Variants in RTN2 observed in about 807,000 individuals in gnomAD.
RTN2 encodes the protein reticulon 2.
A neutral mutation model predicts 63.7 loss-of-function variants in RTN2; 36 were observed. The observed-to-expected ratio is 0.56, with a 90% CI of 0.43 to 0.75. The LOEUF (loss-of-function observed/expected upper bound fraction) is 0.75. Among genes scored for constraint, RTN2 ranks in the 30% least tolerant of loss-of-function variants. RTN2 has a pLI of 0.00. For synonymous variants in RTN2, 312 were observed against 313.0 expected (o/e 1.00, Z 0.03); for missense variants, 673 against 705.1 (o/e 0.95, Z 0.52).
At chr19:45,495,871 T>G (rs1283717108) in intron 1 of RTN2, among the ~76,000 whole-genome samples, 1 of 152,162 alleles carries the variant, frequency 6.6e-6, no homozygotes, top group Non-Finnish European at 1.5e-5. Context: ...GGTCCTCCCT[T>G]TGTAATCTGA....
chr19:45,491,076 G>T (rs576339036), intron 5 of RTN2, among the ~76,000 whole-genome samples: 309 of 151,686 alleles, frequency 2.0e-3, no homozygotes, highest in Non-Finnish European at 3.4e-3. Flanking sequence ...TTTAGTTAGA[G>T]ATGGGGTTTC....
In RTN2 at chr19:45,494,306, C is replaced by T. The variant is rs1264052064; in HGVS notation, c.674G>A (p.Arg225Gln). 12 of 1,614,090 alleles carry T rather than the reference C, an allele frequency of 7.4e-6. No individual in the cohort carries two copies. The East Asian group carries it at 2.7e-4, about 36-fold the overall frequency. Residue 225 changes from arginine (R) to glutamine (Q), a missense_variant, in exon 4 of 11, where the codon CGA (arginine) becomes CAA (glutamine). Coordinates refer to ENST00000245923, the MANE Select transcript of RTN2 (RefSeq NM_005619.5). This position sits in a 1 kb window ranked among gnomAD's most constrained non-coding sequence, Gnocchi z 5.3. ...CTCTTCGGGCCCAGAGTTCGAATCTCGCGATCGGGATGGGGACGGAGTACC... is the reference window on the plus strand; with the variant it reads ...CTCTTCGGGCCCAGAGTTCGAATCTTGCGATCGGGATGGGGACGGAGTACC... Reference protein sequence around the residue: ...QAGTPSPSRSRDSNSGPEEPL... With the variant: ...QAGTPSPSRSQDSNSGPEEPL...
chr19:45,486,017 A>C (rs1191511929), intron 10 of RTN2, 38 bp downstream of exon 10: 1 of 1,600,746 alleles, frequency 6.2e-7, no homozygotes, highest in Non-Finnish European at 8.6e-7. Flanking sequence ...AAGCTCCCCC[A>C]CTTCCCCCTC....
chr19:45,495,079 G>A lies in RTN2; in HGVS notation c.79+16C>T. On this transcript the variant is annotated intron_variant, in intron 2 of 10. Coordinates refer to ENST00000245923, the MANE Select transcript of RTN2 (RefSeq NM_005619.5). The stretch of plus-strand genomic sequence containing the variant: ...TGCCCAGCCCTGAGCCCCTTCACAT[G>A]CTCCCCACCACTTACCTTCTGTGGA... The A allele has an allele frequency of 6.2e-7, 1 of 1,614,140 alleles. No homozygotes were observed. Among genetic ancestry groups the A allele is most frequent in the Non-Finnish European group, 8.5e-7 (1 of 1,180,032 alleles).
intron 6 of RTN2, 179 bp downstream of exon 6, chr19:45,489,167 G>C (rs1234012132): frequency 3.5e-6 from 3 of 864,900 alleles, no homozygotes; most frequent in African/African-American, 1.7e-5. Flanking sequence ...GGAAGGGATC[G>C]AGGATGAAGG....
intron 10 of RTN2, 86 bp downstream of exon 10, chr19:45,485,969 A>T: frequency 2.2e-6 from 3 of 1,384,568 alleles, no homozygotes; most frequent in Non-Finnish European, 3.1e-6. Flanking sequence ...TTACCCCAGG[A>T]GATTTGCGGA....
Position 45,496,831 on chromosome 19 carries a change from C to T in RTN2, c.-6G>A. 1.3e-6 allele frequency: 2 copies of T among 1,498,678 alleles called. No individual in the cohort carries two copies. Among genetic ancestry groups the T allele is most frequent in the Non-Finnish European group, 1.8e-6 (2 of 1,116,496 alleles). 92.8% of individuals were successfully genotyped at this position (1,498,678 alleles called of 1,614,324 possible). ...ACCGGCAGGACCTGCCCCATGGCCC[C>T]CCTCGGGCCTGCATCGGGACCCCCG... On this transcript the variant is annotated 5_prime_UTR_variant, in exon 1 of 11. Transcript: ENST00000245923.
At chr19:45,493,679 C>G (rs1241248589) in intron 4 of RTN2, among the ~76,000 whole-genome samples, 1 of 152,060 alleles carries the variant, frequency 6.6e-6, no homozygotes, top group Non-Finnish European at 1.5e-5. Flanking sequence ...TGTATTTTTT[C>G]AGGGATTTGG....
intron 9 of RTN2, among the ~76,000 whole-genome samples, chr19:45,487,558 TTA>T (rs1216808458): frequency 1.3e-5 from 2 of 151,192 alleles, no homozygotes; most frequent in Non-Finnish European, 2.9e-5. Context: ...GATTTTATTT[TTA>T]TGTTTTTATT....
At chr19:45,485,903 G>A in intron 10 of RTN2, 114 bp from the exon 11 acceptor site, 1 of 1,153,110 alleles carries the variant, frequency 8.7e-7, no homozygotes, top group South Asian at 1.3e-5. Context: ...GCCAGCTCCT[G>A]CCCTCCACCT....
intron 9 of RTN2, among the ~76,000 whole-genome samples, chr19:45,486,388 T>C (rs2122201521): frequency 6.6e-6 from 1 of 152,332 alleles, no homozygotes; most frequent in Admixed American, 6.5e-5. Flanking sequence ...ATGGTTAATC[T>C]TTGAGTGAGT....
chr19:45,491,812 T>A (rs989068849), intron 5 of RTN2, among the ~76,000 whole-genome samples: 7 of 151,884 alleles, frequency 4.6e-5, no homozygotes, highest in Non-Finnish European at 1.0e-4. Context: ...TTTTTAAATG[T>A]TTTGTAGAGA....
chr19:45,485,701 A>G lies in RTN2; in HGVS notation c.*7T>C, dbSNP rs751576259. The G allele has an allele frequency of 6.2e-7, 1 of 1,612,870 alleles. No homozygotes were observed. Among genetic ancestry groups the G allele is most frequent in the South Asian group, 1.1e-5 (1 of 91,062 alleles). On this transcript the variant is annotated 3_prime_UTR_variant, in exon 11 of 11. Coordinates refer to ENST00000245923, the MANE Select transcript of RTN2 (RefSeq NM_005619.5). Reference sequence around the variant, plus strand: ...GGGCAGGCGTCCTGCGGGCAGAGACACCGTTCTCATTCGGCTTTGGCTTTG... The same window carrying G: ...GGGCAGGCGTCCTGCGGGCAGAGACGCCGTTCTCATTCGGCTTTGGCTTTG...
rs145653668 is a variant in RTN2, at chr19:45,493,207, C to T, written c.986G>A (p.Ser329Asn). The change falls in exon 5 of 11, where the codon AGC becomes AAC. Residue 329 changes from serine to asparagine, a missense_variant. Ser to Asn is a conservative substitution (Grantham distance 46). Transcript: ENST00000245923. The stretch of plus-strand genomic sequence containing the variant: ...GAGTGAGAGGCTGGGGACACCGCTG[C>T]TTCTCGGGGATTTTGCCCACTTCAG... ...VLLKWAKSPR[S>N]SGVPSLSLGA... The T allele has an allele frequency of 6.0e-5, 96 of 1,613,352 alleles. No homozygotes were observed. The highest frequency in any genetic ancestry group is 3.2e-4 in the South Asian group (29 of 91,056).
Position 45,494,536 on chromosome 19 carries a change from T to C in RTN2, c.549A>G (p.Glu183=), listed in dbSNP as rs751557271. 6.2e-7 allele frequency: 1 copy of C among 1,613,234 alleles called. No individual in the cohort carries two copies. The highest frequency in any genetic ancestry group is 1.1e-5 in the South Asian group (1 of 91,062). The change falls in exon 3 of 11, where the codon GAA becomes GAG. Residue 183 remains glutamate, a synonymous_variant. Transcript: ENST00000245923. The surrounding 1 kb of genome is among the most constrained non-coding windows in gnomAD (Gnocchi z 5.3). ...PQEPNRLETG[E]AGEELDLRLR... Reference sequence around the variant, plus strand: ...CCTCGGACATCTCACCTTCCCCAGCTTCTCCTGTCTCCAATCTGTTGGGTT... The same window carrying C: ...CCTCGGACATCTCACCTTCCCCAGCCTCTCCTGTCTCCAATCTGTTGGGTT...
At chr19:45,495,303 T>C (rs1307293211) in intron 1 of RTN2, 164 bp from the exon 2 acceptor site, 1 of 742,936 alleles carries the variant, frequency 1.3e-6, no homozygotes, top group African/African-American at 1.8e-5. Flanking sequence ...CTCAGAGTCT[T>C]TGAAGTCCAA....
At chr19:45,493,416 T>C in intron 4 of RTN2, 38 bp from the exon 5 acceptor site, 1 of 1,458,734 alleles carries the variant, frequency 6.9e-7, no homozygotes, top group Non-Finnish European at 9.6e-7. Flanking sequence ...GGCTGGGTCA[T>C]TTTACAACTG....
At chr19:45,496,457 C>A in intron 1 of RTN2, 1 of 260,184 alleles carries the variant, frequency 3.8e-6, no homozygotes, top group Admixed American at 5.5e-5. Context: ...CCGTTCAACC[C>A]CCTCCCCGCC....
In RTN2 at chr19:45,488,692, G is replaced by A. The variant is rs922820769; in HGVS notation, c.1395C>T (p.Phe465=). 6.2e-7 allele frequency: 1 copy of A among 1,613,726 alleles called. No individual in the cohort carries two copies. The highest frequency in any genetic ancestry group is 1.7e-5 in the Admixed American group (1 of 59,926). ...LVDSLKLALL[F]YILTFVGAIF... is the part of the protein sequence containing the mutation. ...TGGCACCCACGAAGGTCAAGATGTA[G>A]AAGAGGAGGGCCAGCTGGGGGTGAA... The change falls in exon 8 of 11, where the codon TTC becomes TTT. Residue 465 remains phenylalanine (F), a synonymous_variant. Coordinates refer to ENST00000245923, the MANE Select transcript of RTN2 (RefSeq NM_005619.5).
Sources: gnomAD v4.1 joint callset for allele counts (sites outside exome capture counted in the v4.1 genomes callset) on GRCh38, gnomAD v4.1.1 for gene constraint, Gnocchi (gnomAD v3.1) non-coding constraint, MANE v1.5 for transcripts, NCBI Gene and HGNC (gene_info 2026-07-23, HGNC 2026-07-21) for gene names.